The following CNTNAP5 variants were observed in gnomAD, a reference collection of about 807,000 sequenced individuals.
CNTNAP5 encodes the protein contactin-associated protein-like 5.
CNTNAP5 carries 72 observed loss-of-function variants against 150.2 expected under a neutral mutation model. The observed-to-expected ratio is 0.48, with a 90% confidence interval of 0.40 to 0.58. The LOEUF (loss-of-function observed/expected upper bound fraction) is 0.58. CNTNAP5 is among the 20% of genes least tolerant of loss of function. The pLI is 0.00. For synonymous variants in CNTNAP5, 672 were observed against 619.8 expected (o/e 1.08, Z -1.25); for missense variants, 1,636 against 1,626.2 (o/e 1.01, Z -0.10).
intron 3 of CNTNAP5, among the ~76,000 whole-genome samples, chr2:124,402,087 A>C (rs1038967268): frequency 3.9e-5 from 6 of 152,238 alleles, no homozygotes. Flanking sequence ...GATTTGCATC[A>C]GAAATAACTT....
chr2:124,851,723 T>G (rs1683160263), intron 19 of CNTNAP5, among the ~76,000 whole-genome samples: 1 of 152,036 alleles, frequency 6.6e-6, no homozygotes, highest in South Asian at 2.1e-4. Context: ...AGAGAAGGCA[T>G]TATATGGTCG....
At chr2:124,099,127 T>C (rs1194655484) in intron 1 of CNTNAP5, among the ~76,000 whole-genome samples, 1 of 152,162 alleles carries the variant, frequency 6.6e-6, no homozygotes. Context: ...TAAGCTCCAG[T>C]GATATTGATG....
intron 3 of CNTNAP5, among the ~76,000 whole-genome samples, chr2:124,313,450 T>G (rs777465444): frequency 1.3e-5 from 2 of 152,188 alleles, no homozygotes; most frequent in Non-Finnish European, 2.9e-5. Flanking sequence ...CCAAGAAAGG[T>G]GTGAACAGTA....
Position 124,558,224 on chromosome 2 carries a change from G to A in CNTNAP5, c.1650-4993G>A, listed in dbSNP as rs946039217. On this transcript the variant is annotated intron_variant, in intron 10 of 23. Transcript: ENST00000682447. ...TCAGACTAGAGGAACATCAGGGGAG[G>A]GGTGATAAGTGGTGAGATTCAGGAC... Among the ~76,000 whole-genome samples the A allele has an allele frequency of 4.9e-4, 75 of 152,154 alleles. 2 individuals are homozygous for A. The highest frequency in any genetic ancestry group is 1.7e-3 in the Admixed American group (26 of 15,266).
intron 4 of CNTNAP5, among the ~76,000 whole-genome samples, chr2:124,422,597 C>T (rs1692133287): frequency 6.6e-6 from 1 of 152,206 alleles, no homozygotes; most frequent in African/African-American, 2.4e-5. Context: ...ATCTGAAATT[C>T]TCTTGGAGAT....
At chr2:124,774,810 A>G (rs554204888) in intron 17 of CNTNAP5, among the ~76,000 whole-genome samples, 2 of 152,334 alleles carry the variant, frequency 1.3e-5, no homozygotes, top group South Asian at 4.1e-4. Context: ...TGCAAAATTT[A>G]TGTAGCTACA....
intron 17 of CNTNAP5, among the ~76,000 whole-genome samples, chr2:124,789,378 C>T (rs759406230): frequency 3.2e-4 from 49 of 152,110 alleles, no homozygotes; most frequent in Non-Finnish European, 3.1e-4. Context: ...GGTTCCCAGC[C>T]TAGAAGGACA....
intron 11 of CNTNAP5, among the ~76,000 whole-genome samples, chr2:124,608,717 T>G (rs574439650): frequency 6.6e-6 from 1 of 152,104 alleles, no homozygotes; most frequent in African/African-American, 2.4e-5. Context: ...GAGGCTGAGG[T>G]GGGTGGATCA....
At chr2:124,752,627 G>A (rs924121120) in intron 14 of CNTNAP5, among the ~76,000 whole-genome samples, 1 of 152,098 alleles carries the variant, frequency 6.6e-6, no homozygotes, top group Non-Finnish European at 1.5e-5. Context: ...TAATGAAAAA[G>A]GAATAAATGA....
chr2:124,364,022 A>G (rs1297799611), intron 3 of CNTNAP5, among the ~76,000 whole-genome samples: 4 of 152,142 alleles, frequency 2.6e-5, no homozygotes, highest in African/African-American at 9.7e-5. Flanking sequence ...ATGCTTTTAA[A>G]TTTTGAATCA....
intron 21 of CNTNAP5, among the ~76,000 whole-genome samples, chr2:124,890,766 G>A (rs947834187): frequency 6.6e-6 from 1 of 152,076 alleles, no homozygotes; most frequent in Non-Finnish European, 1.5e-5. Flanking sequence ...AAGGTTGAAG[G>A]AGTAATAAAA....
At chr2:124,585,597 T>C (rs1454807300) in intron 11 of CNTNAP5, among the ~76,000 whole-genome samples, 1 of 151,214 alleles carries the variant, frequency 6.6e-6, no homozygotes, top group East Asian at 1.9e-4. Context: ...GTCCAGACAT[T>C]AGGCATATAA....
intron 13 of CNTNAP5, among the ~76,000 whole-genome samples, chr2:124,678,334 G>A (rs1181944070): frequency 1.3e-5 from 2 of 151,698 alleles, no homozygotes; most frequent in South Asian, 4.2e-4. Flanking sequence ...TTTAACCACA[G>A]AATGAGCAAT....
intron 1 of CNTNAP5, among the ~76,000 whole-genome samples, chr2:124,051,024 G>A (rs965548901): frequency 3.1e-4 from 47 of 152,200 alleles, no homozygotes; most frequent in African/African-American, 1.1e-3. Context: ...ACCTGAAACA[G>A]AAGTATATTC....
intron 21 of CNTNAP5, among the ~76,000 whole-genome samples, chr2:124,885,973 G>A (rs1678072228): frequency 6.6e-6 from 1 of 151,764 alleles, no homozygotes; most frequent in Non-Finnish European, 1.5e-5. Context: ...TAATTATCTT[G>A]GGCATATCTC....
intron 3 of CNTNAP5, among the ~76,000 whole-genome samples, chr2:124,384,759 G>A (rs542794698): frequency 2.6e-5 from 4 of 152,094 alleles, no homozygotes; most frequent in Admixed American, 6.5e-5. Flanking sequence ...TTGTCCCTCC[G>A]CTTTGTTCTT....
chr2:124,075,446 T>C (rs548917107), intron 1 of CNTNAP5, among the ~76,000 whole-genome samples: 5 of 152,268 alleles, frequency 3.3e-5, no homozygotes, highest in African/African-American at 1.2e-4. Flanking sequence ...ACTTTTCTCA[T>C]TTATGTTGAT....
chr2:124,467,152 A>G (rs1386048288), intron 6 of CNTNAP5, among the ~76,000 whole-genome samples: 1 of 152,210 alleles, frequency 6.6e-6, no homozygotes, highest in Non-Finnish European at 1.5e-5. Context: ...TGCAAAAGTA[A>G]AAGACTTCTA....
chr2:124,782,797 C>A (rs1032210991), intron 17 of CNTNAP5, among the ~76,000 whole-genome samples: 6 of 152,052 alleles, frequency 3.9e-5, no homozygotes, highest in Admixed American at 6.6e-5. Context: ...ACCCTATGAC[C>A]AACAGTTCTA....
Sources: allele counts gnomAD v4.1 joint callset (sites outside exome capture counted in the v4.1 genomes callset), GRCh38; gene constraint gnomAD v4.1.1; transcripts MANE v1.5; gene names NCBI Gene and HGNC (gene_info 2026-07-23, HGNC 2026-07-21).